Variants in PLPP1 observed in about 807,000 individuals in gnomAD.
The protein encoded by PLPP1 is lipid phosphate phosphohydrolase 1a.
In PLPP1, 24 loss-of-function variants were observed where a neutral mutation model predicts 31.2. That is an observed-to-expected ratio of 0.77 (90% CI 0.56 to 1.08). PLPP1 has a LOEUF of 1.08. Ranked by LOEUF, PLPP1 falls within the 50% of genes least tolerant of loss-of-function variation. PLPP1 has a pLI of 0.00. For synonymous variants in PLPP1, 146 were observed against 126.3 expected (o/e 1.16, Z -1.05); for missense variants, 319 against 342.7 (o/e 0.93, Z 0.55).
At chr5:55,533,526 C>T (rs943636270) in intron 1 of PLPP1, among the ~76,000 whole-genome samples, 1 of 152,176 alleles carries the variant, frequency 6.6e-6, no homozygotes, top group Non-Finnish European at 1.5e-5. Flanking sequence ...CTAGGAACTA[C>T]TGGATTAAAA....
At chr5:55,514,758 A>G (rs1326174835) in intron 1 of PLPP1, among the ~76,000 whole-genome samples, 1 of 152,262 alleles carries the variant, frequency 6.6e-6, no homozygotes, top group Non-Finnish European at 1.5e-5. Flanking sequence ...TTATTGCAGT[A>G]GCAAATAATA....
chr5:55,468,227 A>G (rs1752346565), intron 2 of PLPP1, 78 bp from the exon 3 acceptor site: 1 of 1,325,314 alleles, frequency 7.5e-7, no homozygotes, highest in Admixed American at 2.4e-5. Context: ...GGGGGAAAAA[A>G]GGAAATGGTA....
intron 1 of PLPP1, among the ~76,000 whole-genome samples, chr5:55,506,812 A>T (rs1464989327): frequency 6.6e-6 from 1 of 152,062 alleles, no homozygotes; most frequent in Admixed American, 6.6e-5. Flanking sequence ...GAACCCTTTC[A>T]TTTTCTCCTT....
intron 1 of PLPP1, among the ~76,000 whole-genome samples, chr5:55,477,551 G>A (rs765006251): frequency 4.1e-4 from 62 of 151,538 alleles, no homozygotes; most frequent in African/African-American, 1.3e-3. Context: ...CCACCACCAC[G>A]CCCAGCTAAT....
intron 1 of PLPP1, among the ~76,000 whole-genome samples, chr5:55,476,446 T>C (rs1014104982): frequency 2.6e-5 from 4 of 152,146 alleles, no homozygotes; most frequent in Non-Finnish European, 2.9e-5. Context: ...AAACGCCAAA[T>C]TTTTGCCTAA....
intron 1 of PLPP1, among the ~76,000 whole-genome samples, chr5:55,527,983 T>C (rs947468912): frequency 6.6e-6 from 1 of 152,174 alleles, no homozygotes; most frequent in Admixed American, 6.5e-5. Flanking sequence ...CCCATGTAAT[T>C]CATTTCCCAG....
intron 4 of PLPP1, among the ~76,000 whole-genome samples, chr5:55,439,721 C>T (rs1751580502): frequency 6.6e-6 from 1 of 152,146 alleles, no homozygotes; most frequent in Non-Finnish European, 1.5e-5. Flanking sequence ...GCCCTCAGTA[C>T]AAGTTACTAT....
chr5:55,461,807 G>A (rs1237641009), intron 3 of PLPP1, among the ~76,000 whole-genome samples: 1 of 151,932 alleles, frequency 6.6e-6, no homozygotes, highest in Non-Finnish European at 1.5e-5. Context: ...CAACATGAAT[G>A]GGAAAGCAAA....
At chr5:55,534,259 A>C (rs1036963228) in intron 1 of PLPP1, among the ~76,000 whole-genome samples, 6 of 152,140 alleles carry the variant, frequency 3.9e-5, no homozygotes, top group African/African-American at 1.4e-4. Context: ...TACAGAGGGG[A>C]GGAGCCCACC....
At chr5:55,504,377 C>T (rs1032133824) in intron 1 of PLPP1, among the ~76,000 whole-genome samples, 21 of 126,956 alleles carry the variant, frequency 1.7e-4, no homozygotes, top group African/African-American at 6.1e-4. Context: ...AAAAAAAAAG[C>T]CAGGGATGGT....
chr5:55,519,059 A>G (rs890878754), intron 1 of PLPP1, among the ~76,000 whole-genome samples: 9 of 152,214 alleles, frequency 5.9e-5, no homozygotes, highest in African/African-American at 2.2e-4. Flanking sequence ...AAAGGGGGGA[A>G]ATCCATAAAA....
At chr5:55,473,629 A>C (rs113896513) in intron 2 of PLPP1, among the ~76,000 whole-genome samples, 3 of 151,712 alleles carry the variant, frequency 2.0e-5, no homozygotes, top group African/African-American at 2.4e-5. Flanking sequence ...AACTATATAT[A>C]TTTTTTAATT....
chr5:55,474,809 T>C (rs1211816035), intron 2 of PLPP1, among the ~76,000 whole-genome samples: 1 of 152,238 alleles, frequency 6.6e-6, no homozygotes, highest in African/African-American at 2.4e-5. Flanking sequence ...CATATTGCTA[T>C]AACATTCAAC....
intron 1 of PLPP1, among the ~76,000 whole-genome samples, chr5:55,521,296 G>A (rs1423701648): frequency 6.6e-6 from 1 of 151,834 alleles, no homozygotes; most frequent in Non-Finnish European, 1.5e-5. Flanking sequence ...GAGCTGCAGT[G>A]AGCCGAGATT....
Position 55,475,421 on chromosome 5 carries a change from T to C in PLPP1, c.88A>G (p.Arg30Gly). Residue 30 changes from arginine to glycine, a missense_variant, in exon 2 of 6, where the codon AGG becomes GGG. Arg to Gly is a moderately radical substitution (Grantham distance 125). Coordinates refer to ENST00000307259, the MANE Select transcript of PLPP1 (RefSeq NM_003711.4). ...ACTCCTCGTTGGAAGGGGGTATGCCTTGAAGTAAGAATTGCAAAAGGCAAT... is the reference window on the plus strand; with the variant it reads ...ACTCCTCGTTGGAAGGGGGTATGCCCTGAAGTAAGAATTGCAAAAGGCAAT... ...AGLPFAILTS[R>G]HTPFQRGVFC... The C allele has an allele frequency of 6.2e-7, 1 of 1,605,644 alleles. No homozygotes were observed. The highest frequency in any genetic ancestry group is 8.5e-7 in the Non-Finnish European group (1 of 1,177,688).
intron 3 of PLPP1, among the ~76,000 whole-genome samples, chr5:55,466,659 T>C (rs1318495607): frequency 1.3e-5 from 2 of 151,212 alleles, no homozygotes; most frequent in South Asian, 2.1e-4. Context: ...GCCAAGATCA[T>C]GCCACTGCAC....
intron 1 of PLPP1, among the ~76,000 whole-genome samples, chr5:55,521,519 A>AAAAAAAC (rs559440692): frequency 5.9e-5 from 9 of 152,134 alleles, no homozygotes; most frequent in Non-Finnish European, 1.0e-4. Context: ...TCTGTCTCAA[A>AAAAAAAC]AAAAAACAAA....
chr5:55,464,124 T>C (rs767418600), intron 3 of PLPP1, among the ~76,000 whole-genome samples: 1 of 151,856 alleles, frequency 6.6e-6, no homozygotes, highest in Non-Finnish European at 1.5e-5. Context: ...AAACTGGCCA[T>C]TAATAAATAC....
At chr5:55,446,561 T>C (rs764790315) in intron 3 of PLPP1, among the ~76,000 whole-genome samples, 2 of 152,190 alleles carry the variant, frequency 1.3e-5, no homozygotes, top group Admixed American at 6.5e-5. Context: ...GTAGCTTGTT[T>C]CCACATAGGT....
Sources: allele counts gnomAD v4.1 joint callset (sites outside exome capture counted in the v4.1 genomes callset), GRCh38; gene constraint gnomAD v4.1.1; transcripts MANE v1.5; gene names NCBI Gene and HGNC (gene_info 2026-07-23, HGNC 2026-07-21).